Variants in FOXP1 observed in about 807,000 individuals in gnomAD.
FOXP1 encodes forkhead box P1.
A neutral mutation model predicts 98.2 loss-of-function variants in FOXP1; 15 were observed. The ratio of observed to expected loss-of-function variants is 0.15; its 90% CI spans 0.10 to 0.24. FOXP1 has a LOEUF of 0.24. Ranked by LOEUF, FOXP1 falls within the 10% of genes least tolerant of loss-of-function variation. The pLI is 1.00. For synonymous variants in FOXP1, 371 were observed against 314.5 expected (o/e 1.18, Z -1.90); for missense variants, 633 against 848.5 (o/e 0.75, Z 3.15).
chr3:71,547,292 C>T (rs2045436025), intron 2 of FOXP1, among the ~76,000 whole-genome samples: 2 of 152,208 alleles, frequency 1.3e-5, no homozygotes, highest in African/African-American at 2.4e-5. Flanking sequence ...CAGCCCCAAC[C>T]ACCAGATCAA....
At chr3:71,061,438 T>C (rs933859187) in intron 7 of FOXP1, among the ~76,000 whole-genome samples, 3 of 152,174 alleles carry the variant, frequency 2.0e-5, no homozygotes, top group African/African-American at 7.2e-5. Context: ...CAGTTCCTTC[T>C]ACTCAAGCAT....
chr3:71,396,373 C>G (rs752044725), intron 3 of FOXP1, among the ~76,000 whole-genome samples: 1 of 152,114 alleles, frequency 6.6e-6, no homozygotes, highest in Non-Finnish European at 1.5e-5. Context: ...TTAATCAACT[C>G]AAGTCTAGGA....
At chr3:71,292,912 G>C (rs12488742) in intron 5 of FOXP1, among the ~76,000 whole-genome samples, 46,667 of 152,108 alleles carry the variant, frequency 0.31, 7,817 homozygotes, top group Middle Eastern at 0.37. Flanking sequence ...CACCAATAGT[G>C]TTTTTAAAAG....
intron 13 of FOXP1, among the ~76,000 whole-genome samples, chr3:71,000,506 G>A (rs1020403446): frequency 4.6e-5 from 7 of 151,908 alleles, no homozygotes; most frequent in African/African-American, 1.5e-4. Flanking sequence ...TCTTGGTCTC[G>A]CTCGCTCTTT....
intron 11 of FOXP1, among the ~76,000 whole-genome samples, chr3:71,031,464 A>C (rs184476519): frequency 6.6e-6 from 1 of 152,176 alleles, no homozygotes; most frequent in Non-Finnish European, 1.5e-5. Flanking sequence ...ATAAATGGAG[A>C]AGGCTTTTTG....
chr3:71,364,583 ATTTC>A (rs1378873097), intron 3 of FOXP1, among the ~76,000 whole-genome samples: 2 of 152,204 alleles, frequency 1.3e-5, no homozygotes, highest in East Asian at 3.8e-4. Context: ...TGTTTTATTT[ATTTC>A]TAAATAAAAC....
intron 12 of FOXP1, among the ~76,000 whole-genome samples, chr3:71,013,079 A>G (rs2043898155): frequency 6.6e-6 from 1 of 152,208 alleles, no homozygotes; most frequent in Non-Finnish European, 1.5e-5. Flanking sequence ...GGAATAGCAT[A>G]GAAGCATTTC....
At chr3:70,967,710 GTTTTTTT>G (rs756777959) in intron 19 of FOXP1, among the ~76,000 whole-genome samples, 6 of 68,872 alleles carry the variant, frequency 8.7e-5, no homozygotes, top group African/African-American at 2.2e-4. Flanking sequence ...GTTTTTTTTT[GTTTTTTT>G]TTTTTTTTTT....
intron 6 of FOXP1, among the ~76,000 whole-genome samples, chr3:71,181,896 A>C (rs1024302186): frequency 6.6e-6 from 1 of 151,872 alleles, no homozygotes; most frequent in African/African-American, 2.4e-5. Context: ...TTAGCCAGGC[A>C]TGGTGGTGGG....
chr3:71,499,425 T>A (rs1042762001), intron 2 of FOXP1, among the ~76,000 whole-genome samples: 1 of 152,266 alleles, frequency 6.6e-6, no homozygotes, highest in East Asian at 1.9e-4. Flanking sequence ...CGTATGTATA[T>A]ACACACACAT....
chr3:71,480,371 T>C (rs1218795242), intron 3 of FOXP1, among the ~76,000 whole-genome samples: 1 of 152,224 alleles, frequency 6.6e-6, no homozygotes, highest in East Asian at 1.9e-4. Context: ...GTTACCTGGC[T>C]TGAAATGAAG....
intron 3 of FOXP1, among the ~76,000 whole-genome samples, chr3:71,418,116 G>GGT (rs60973104): frequency 0.096 from 14,218 of 147,358 alleles, 780 homozygotes; most frequent in East Asian, 0.28. Flanking sequence ...TGTGCTTGTG[G>GGT]GTGTGTGTGT....
rs564075347 is a variant in FOXP1, at chr3:71,238,559, G to A, written c.-11-40167C>T. Among the ~76,000 whole-genome samples, 18 of 152,254 alleles carry A rather than the reference G, an allele frequency of 1.2e-4. No individual in the cohort carries two copies. The East Asian group carries it at 2.9e-3, about 24-fold the overall frequency. On this transcript the variant is annotated intron_variant, in intron 5 of 20. Transcript: ENST00000649528. ...TCCAGACCTAACAGCTGTCTGACCTGGGACAATGTCTGCATCACAGTTGCC... is the reference window on the plus strand; with the variant it reads ...TCCAGACCTAACAGCTGTCTGACCTAGGACAATGTCTGCATCACAGTTGCC...
At chr3:71,371,986 TG>T (rs1207206969) in intron 3 of FOXP1, among the ~76,000 whole-genome samples, 4 of 151,968 alleles carry the variant, frequency 2.6e-5, no homozygotes, top group African/African-American at 9.7e-5. Flanking sequence ...TCTTTGTACA[TG>T]AGGATCATTC....
intron 2 of FOXP1, among the ~76,000 whole-genome samples, chr3:71,561,662 G>C (rs541607625): frequency 6.6e-6 from 1 of 152,272 alleles, no homozygotes; most frequent in East Asian, 1.9e-4. Flanking sequence ...CACTCACTAA[G>C]CATTTTGAAT....
At chr3:70,972,076 G>A (rs1327607011) in intron 18 of FOXP1, 1 of 1,520,584 alleles carries the variant, frequency 6.6e-7, no homozygotes. Flanking sequence ...GTTGAATATG[G>A]CGGCCACGTT....
intron 17 of FOXP1, among the ~76,000 whole-genome samples, chr3:70,973,237 C>T (rs944270041): frequency 1.8e-4 from 26 of 143,954 alleles, no homozygotes; most frequent in African/African-American, 3.1e-4. Flanking sequence ...ACGGACCCCC[C>T]GCCCCCGCCC....
chr3:71,558,143 C>G lies in FOXP1; in HGVS notation c.-298+23406G>C, dbSNP rs1375955268. Among the ~76,000 whole-genome samples the G allele has an allele frequency of 5.3e-5, 8 of 152,204 alleles. No individual in the cohort carries two copies. The East Asian group carries it at 1.3e-3, about 26-fold the overall frequency. On this transcript the variant is annotated intron_variant, in intron 2 of 20. Transcript: ENST00000649528. ...TGTATGCACAGCCTCCTCAGAGAATCTTCCTTCCCTCCCCATGACTGATGT... is the reference window on the plus strand; with the variant it reads ...TGTATGCACAGCCTCCTCAGAGAATGTTCCTTCCCTCCCCATGACTGATGT...
rs1463843393 is a variant in FOXP1, at chr3:71,396,984, GTA to G, written c.-167-37742_-167-37741del. 2.4e-4 allele frequency among the ~76,000 whole-genome samples: 5 copies of G among 20,858 alleles called. 1 individual carries two copies. Among genetic ancestry groups the G allele is most frequent in the East Asian group, 1.1e-3 (3 of 2,710 alleles). The allele number at this position is 20,858 out of a possible 152,430, so 13.7% of individuals were successfully genotyped here. The stretch of plus-strand genomic sequence containing the variant: ...TATATGTGTGTATATATATATATGT[GTA>G]TATATATACACATATATATGTGTAT... On this transcript the variant is annotated intron_variant, in intron 3 of 20. Transcript: ENST00000649528.
Sources: gnomAD v4.1 joint callset for allele counts (sites outside exome capture counted in the v4.1 genomes callset) on GRCh38, gnomAD v4.1.1 for gene constraint, MANE v1.5 for transcripts, NCBI Gene and HGNC (gene_info 2026-07-23, HGNC 2026-07-21) for gene names.